Variants in FAM91A1 observed in about 807,000 individuals in gnomAD.
The protein encoded by FAM91A1 is family with sequence similarity 91 member A1.
Under a neutral mutation model 113.5 loss-of-function variants are expected in FAM91A1, and 41 were observed. The ratio of observed to expected loss-of-function variants is 0.36; its 90% CI spans 0.28 to 0.47. FAM91A1 has a LOEUF of 0.47. FAM91A1 is among the 20% of genes least tolerant of loss of function. The pLI is 1.00. For missense variants in FAM91A1, 696 were observed against 1,001.2 expected (o/e 0.70, Z 4.11); for synonymous variants, 307 against 347.9 (o/e 0.88, Z 1.31).
At position 123,774,149 on chromosome 8, in the gene FAM91A1, T is replaced by C. The variant is rs1032824486; in HGVS notation, c.142T>C (p.Tyr48His). The C allele has an allele frequency of 1.6e-5, 25 of 1,608,646 alleles. No homozygotes were observed. The highest frequency in any genetic ancestry group is 2.1e-5 in the Non-Finnish European group (25 of 1,178,344). Residue 48 changes from tyrosine (Y) to histidine (H), a missense_variant, in exon 2 of 24, where the codon TAT (tyrosine) becomes CAT (histidine). Tyr to His is a moderately conservative substitution (Grantham distance 83). Coordinates refer to ENST00000334705, the MANE Select transcript of FAM91A1 (RefSeq NM_144963.4). ...GTACAGTATCCGCAATCAGTTACGA[T>C]ATAGAAATAACTTAGGTAAGTAGAG... ...VLYSIRNQLR[Y>H]RNNLVKHVKK...
Position 123,802,829 on chromosome 8 carries a change from T to C in FAM91A1, c.1810-2438T>C, listed in dbSNP as rs1226423475. ...ACAAGTTAAATACCTTTTTGAACTT[T>C]AGTGTCTTTACCTATAAACTGGAGA... On this transcript the variant is annotated intron_variant, in intron 18 of 23. Coordinates refer to ENST00000334705, the MANE Select transcript of FAM91A1 (RefSeq NM_144963.4). Among the ~76,000 whole-genome samples the C allele has an allele frequency of 2.6e-5, 4 of 152,230 alleles. No individual in the cohort carries two copies. The East Asian group carries it at 5.8e-4, about 22-fold the overall frequency.
At position 123,799,889 on chromosome 8, in the gene FAM91A1, C is replaced by A; in HGVS notation, c.1809+4C>A. The A allele has an allele frequency of 6.4e-7, 1 of 1,558,532 alleles. No individual in the cohort carries two copies. The highest frequency in any genetic ancestry group is 8.7e-7 in the Non-Finnish European group (1 of 1,147,664). ...ACATTCTGCAGTTTTAATTCAGGTA[C>A]ATTTATCTTATTTGAAATTTTGTCT... is the stretch of plus-strand genomic sequence containing the variant. On this transcript the variant is annotated splice_donor_region_variant and intron_variant, in intron 18 of 23. Coordinates refer to ENST00000334705, the MANE Select transcript of FAM91A1 (RefSeq NM_144963.4).
rs1284559970 is a variant in FAM91A1 at position 123,808,328 on chromosome 8, A to G, written c.2089A>G (p.Met697Val). 13 of 1,613,582 alleles carry G rather than the reference A, an allele frequency of 8.1e-6. No individual in the cohort carries two copies. The highest frequency in any genetic ancestry group is 1.1e-5 in the Non-Finnish European group (13 of 1,179,700). The change falls in exon 21 of 24, where the codon ATG becomes GTG. Residue 697 changes from methionine (M) to valine (V), a missense_variant. Transcript: ENST00000334705. ...AAATGGGAGTACAGAGTCATTTGAA[A>G]TGGTCATTGAGGAAGCAACTATAGA... ...DVNGSTESFE[M>V]VIEEATIDSA...
rs1815009467 is a variant in FAM91A1 at position 123,777,318 on chromosome 8, T to C, written c.363T>C (p.Ala121=). Residue 121 remains alanine (A), a synonymous_variant, in exon 4 of 24, where the codon GCT becomes GCC. Transcript: ENST00000334705. Reference sequence around the variant, plus strand: ...ATTCATTGCCCAATTTTACTGCTGCTGACTGTAAGTATTTAATTGTGCTGA... The same window carrying C: ...ATTCATTGCCCAATTTTACTGCTGCCGACTGTAAGTATTTAATTGTGCTGA... ...SYDSLPNFTA[A]DCLRLLGIGR... 3.1e-6 allele frequency: 5 copies of C among 1,612,094 alleles called. No individual in the cohort carries two copies. The South Asian group carries it at 5.5e-5, about 18-fold the overall frequency.
rs557275534 is a variant in FAM91A1 at position 123,785,739 on chromosome 8, A to G, written c.960A>G (p.Leu320=). 3 of 1,561,672 alleles carry G rather than the reference A, an allele frequency of 1.9e-6. No individual in the cohort carries two copies. The highest frequency in any genetic ancestry group is 2.6e-6 in the Non-Finnish European group (3 of 1,155,408). Residue 320 remains leucine, a splice_region_variant and synonymous_variant, in exon 11 of 24, where the codon TTA becomes TTG. Transcript: ENST00000334705. ...SWKNVPSVNR[L]KSTLDPQKML... ...AGAATGTTCCATCCGTAAACAGATTAAAGTAACTTAAATTTATTCAGTATG... is the reference window on the plus strand; with the variant it reads ...AGAATGTTCCATCCGTAAACAGATTGAAGTAACTTAAATTTATTCAGTATG...
intron 1 of FAM91A1, among the ~76,000 whole-genome samples, chr8:123,773,192 C>A (rs1158400773): frequency 1.3e-5 from 2 of 152,138 alleles, no homozygotes; most frequent in Non-Finnish European, 2.9e-5. Context: ...TTTCATCTGT[C>A]TTATTGTGAA....
intron 20 of FAM91A1, among the ~76,000 whole-genome samples, chr8:123,807,461 G>T: frequency 8.8e-6 from 1 of 113,108 alleles, no homozygotes. Flanking sequence ...CCGGGCAATA[G>T]AGCAAGACCC....
At chr8:123,805,558 A>G (rs1382988321) in intron 19 of FAM91A1, among the ~76,000 whole-genome samples, 2 of 152,198 alleles carry the variant, frequency 1.3e-5, no homozygotes, top group African/African-American at 2.4e-5. Flanking sequence ...TTGAAAGACT[A>G]CTAGTCTGTC....
At chr8:123,771,564 T>C (rs567957932) in intron 1 of FAM91A1, among the ~76,000 whole-genome samples, 4 of 152,230 alleles carry the variant, frequency 2.6e-5, no homozygotes, top group Admixed American at 6.5e-5. Flanking sequence ...TGATAGACTT[T>C]TAAAAAATAT....
At chr8:123,808,190 C>G in intron 20 of FAM91A1, 82 bp from the exon 21 acceptor site, 1 of 1,083,324 alleles carries the variant, frequency 9.2e-7, no homozygotes. Context: ...TGTCTGAAGT[C>G]TTTTCCATGT....
chr8:123,814,536 G>C lies in FAM91A1; in HGVS notation c.*1832G>C, dbSNP rs930000804. 1 of 158,984 alleles carries C rather than the reference G, an allele frequency of 6.3e-6. No individual in the cohort carries two copies. Among genetic ancestry groups the C allele is most frequent in the Non-Finnish European group, 1.4e-5 (1 of 72,474 alleles). 9.8% of individuals were successfully genotyped at this position (158,984 alleles called of 1,614,324 possible). A position where few individuals can be genotyped will look rare whatever the true frequency, so the allele number is the denominator to read the frequency against. On this transcript the variant is annotated 3_prime_UTR_variant, in exon 24 of 24. Transcript: ENST00000334705. ...AATTTAAAGCTTAAAATATGGGAATGATTTGCTGCTATATTTCCTTTGAGA... is the reference window on the plus strand; with the variant it reads ...AATTTAAAGCTTAAAATATGGGAATCATTTGCTGCTATATTTCCTTTGAGA...
rs1193904029 is a variant in FAM91A1, at chr8:123,768,677, C to CGGCCGCCGGCCCT, written c.-19_-7dup. 6.6e-7 allele frequency: 1 copy of CGGCCGCCGGCCCT among 1,513,094 alleles called. No individual in the cohort carries two copies. The highest frequency in any genetic ancestry group is 8.8e-7 in the Non-Finnish European group (1 of 1,131,872). 93.7% of individuals were successfully genotyped at this position (1,513,094 alleles called of 1,614,324 possible). On this transcript the variant is annotated 5_prime_UTR_variant, in exon 1 of 24. Transcript: ENST00000334705. Reference sequence around the variant, plus strand: ...GTAGTGTGGGTCGCGGTGGCGGCCCCGGCCGCCGGCCCTGGCCGCGGCATC... The same window carrying CGGCCGCCGGCCCT: ...GTAGTGTGGGTCGCGGTGGCGGCCCCGGCCGCCGGCCCTGGCCGCCGGCCCTGGCCGCGGCATC...
chr8:123,800,798 CTTCCTTCAT>C (rs1352753880), intron 18 of FAM91A1, among the ~76,000 whole-genome samples: 1 of 152,044 alleles, frequency 6.6e-6, no homozygotes, highest in African/African-American at 2.4e-5. Context: ...TTGTGACTGG[CTTCCTTCAT>C]TTAACATAAT....
At chr8:123,792,167 T>C (rs1451945766) in intron 15 of FAM91A1, among the ~76,000 whole-genome samples, 1 of 152,000 alleles carries the variant, frequency 6.6e-6, no homozygotes, top group East Asian at 1.9e-4. Context: ...AGACTGAGAC[T>C]CCGTCTCAGA....
Position 123,785,080 on chromosome 8 carries a change from G to T in FAM91A1, c.811-1G>T. ...AAATAAATTTTAATTTTATCTTCTAGCTTGCAAATGTCCTTGAGATTGACT... is the reference window on the plus strand; with the variant it reads ...AAATAAATTTTAATTTTATCTTCTATCTTGCAAATGTCCTTGAGATTGACT... On this transcript the variant is annotated splice_acceptor_variant, in intron 9 of 23. Transcript: ENST00000334705. LOFTEE classifies it high-confidence loss of function. 6.3e-7 allele frequency: 1 copy of T among 1,583,612 alleles called. No individual in the cohort carries two copies. Among genetic ancestry groups the T allele is most frequent in the Non-Finnish European group, 8.6e-7 (1 of 1,166,774 alleles).
rs371825325 is a variant in FAM91A1, at chr8:123,775,318, G to T, written c.309+20G>T. ...ATGGAGGTGAGTTTACAGTGTGGGT[G>T]AGCCAGTGGGAATGGGATGGGACTA... On this transcript the variant is annotated intron_variant, in intron 3 of 23. Transcript: ENST00000334705. The T allele has an allele frequency of 5.2e-4, 837 of 1,609,666 alleles. 12 individuals are homozygous for T. In the South Asian group the frequency reaches 7.0e-3, roughly 14 times the overall value.
Position 123,799,760 on chromosome 8 carries a change from TC to T in FAM91A1, c.1696-11del, listed in dbSNP as rs1245592452. ...CTGAATGCCATTTTACCTGTTAATT[TC>T]TTTTCAATAGAGTTATGATCGATTG... is the stretch of plus-strand genomic sequence containing the variant. On this transcript the variant is annotated splice_polypyrimidine_tract_variant and intron_variant, in intron 17 of 23. Transcript: ENST00000334705. 6.2e-7 allele frequency: 1 copy of T among 1,606,870 alleles called. No homozygotes were observed. Among genetic ancestry groups the T allele is most frequent in the East Asian group, 2.2e-5 (1 of 44,744 alleles).
intron 15 of FAM91A1, among the ~76,000 whole-genome samples, chr8:123,794,682 G>T (rs530017643): frequency 6.6e-6 from 1 of 152,324 alleles, no homozygotes; most frequent in Admixed American, 6.5e-5. Flanking sequence ...GATCACTCAT[G>T]GTTCTCTCAT....
At chr8:123,800,504 T>G (rs1815646963) in intron 18 of FAM91A1, among the ~76,000 whole-genome samples, 1 of 152,144 alleles carries the variant, frequency 6.6e-6, no homozygotes, top group Admixed American at 6.5e-5. Flanking sequence ...ACTATTGTAT[T>G]GAGTATATAA....
Sources: gnomAD v4.1 joint callset for allele counts (sites outside exome capture counted in the v4.1 genomes callset) on GRCh38, gnomAD v4.1.1 for gene constraint, MANE v1.5 for transcripts, NCBI Gene and HGNC (gene_info 2026-07-23, HGNC 2026-07-21) for gene names.